GPR158: variants seen among roughly 807,000 people sequenced by gnomAD.
GPR158 encodes G protein-coupled receptor 158, also known as metabotropic glycine receptor.
GPR158 carries 30 observed loss-of-function variants against 78.2 expected under a neutral mutation model. The observed-to-expected ratio is 0.38, with a 90% CI of 0.29 to 0.52. GPR158 has a LOEUF of 0.52. GPR158 is among the 20% of genes least tolerant of loss of function. GPR158 has a pLI of 0.83. For missense variants in GPR158, 1,463 were observed against 1,523.5 expected (o/e 0.96, Z 0.66); for synonymous variants, 581 against 591.1 (o/e 0.98, Z 0.25).
At chr10:25,496,485 G>C (rs1835882212) in intron 5 of GPR158, among the ~76,000 whole-genome samples, 1 of 152,198 alleles carries the variant, frequency 6.6e-6, no homozygotes, top group African/African-American at 2.4e-5. Context: ...AGATAAGCAG[G>C]TGTTTAACAA....
intron 9 of GPR158, among the ~76,000 whole-genome samples, chr10:25,595,622 C>T (rs1203592899): frequency 6.6e-6 from 1 of 152,134 alleles, no homozygotes; most frequent in Non-Finnish European, 1.5e-5. Flanking sequence ...GTGCAAAAGC[C>T]AGACACAAAA....
chr10:25,192,660 CT>C lies in GPR158; in HGVS notation c.902+16345del, dbSNP rs951662043. On this transcript the variant is annotated intron_variant, in intron 1 of 10. Coordinates refer to ENST00000376351, the MANE Select transcript of GPR158 (RefSeq NM_020752.3). Reference sequence around the variant, plus strand: ...AACATAATTTCTGAAATGTACTAAACTTTTTTTAAAAGTTATAATGTATTGT... The same window carrying C: ...AACATAATTTCTGAAATGTACTAAACTTTTTTAAAAGTTATAATGTATTGT... Among the ~76,000 whole-genome samples, 6 of 152,092 alleles carry C rather than the reference CT, an allele frequency of 3.9e-5. No homozygotes were observed. The East Asian group carries it at 7.7e-4, about 20-fold the overall frequency.
chr10:25,322,368 G>A (rs998827931), intron 2 of GPR158, among the ~76,000 whole-genome samples: 10 of 148,490 alleles, frequency 6.7e-5, no homozygotes, highest in South Asian at 2.1e-4. Context: ...GTGACAGAGC[G>A]AGACTCCGTC....
chr10:25,558,373 C>T (rs1372776124), intron 6 of GPR158, among the ~76,000 whole-genome samples: 1 of 152,178 alleles, frequency 6.6e-6, no homozygotes, highest in Non-Finnish European at 1.5e-5. Context: ...TGTATACCCT[C>T]AAGTGGAAAT....
chr10:25,336,817 G>A (rs1038406357), intron 2 of GPR158, among the ~76,000 whole-genome samples: 1 of 152,014 alleles, frequency 6.6e-6, no homozygotes, highest in African/African-American at 2.4e-5. Context: ...ATGGTGCTCA[G>A]GCAATTAATT....
intron 2 of GPR158, among the ~76,000 whole-genome samples, chr10:25,379,152 AT>A (rs1834122948): frequency 6.6e-6 from 1 of 152,156 alleles, no homozygotes; most frequent in Non-Finnish European, 1.5e-5. Flanking sequence ...AGACATTATT[AT>A]TACTATTACC....
chr10:25,249,031 A>G (rs1853748338), intron 2 of GPR158, among the ~76,000 whole-genome samples: 1 of 151,388 alleles, frequency 6.6e-6, no homozygotes, highest in Non-Finnish European at 1.5e-5. Context: ...GGTCCTTCAC[A>G]TCCCTTGTAA....
At chr10:25,357,934 G>A (rs2130528994) in intron 2 of GPR158, among the ~76,000 whole-genome samples, 1 of 152,214 alleles carries the variant, frequency 6.6e-6, no homozygotes, top group Non-Finnish European at 1.5e-5. Context: ...AAAGCAGCTG[G>A]GAGGGAGGCT....
intron 5 of GPR158, among the ~76,000 whole-genome samples, chr10:25,473,143 T>A (rs1335256020): frequency 6.6e-6 from 1 of 151,930 alleles, no homozygotes; most frequent in Non-Finnish European, 1.5e-5. Flanking sequence ...ATACCTAATT[T>A]ATTGAGAGTT....
chr10:25,442,275 C>T (rs143949500), intron 4 of GPR158, among the ~76,000 whole-genome samples: 1 of 152,152 alleles, frequency 6.6e-6, no homozygotes, highest in East Asian at 1.9e-4. Context: ...ACTAAATGAG[C>T]AGTTAAACAC....
chr10:25,211,415 C>T (rs1853128868), intron 1 of GPR158, among the ~76,000 whole-genome samples: 1 of 152,148 alleles, frequency 6.6e-6, no homozygotes, highest in African/African-American at 2.4e-5. Context: ...GTTGCTGTGT[C>T]ATCTTGTGGC....
intron 4 of GPR158, among the ~76,000 whole-genome samples, chr10:25,423,403 T>TA (rs1246806693): frequency 1.4e-5 from 2 of 143,908 alleles, no homozygotes; most frequent in East Asian, 2.0e-4. Flanking sequence ...TTTTTTTTTT[T>TA]ATACTTTAAG....
At chr10:25,370,463 T>C (rs1833970964) in intron 2 of GPR158, among the ~76,000 whole-genome samples, 1 of 69,144 alleles carries the variant, frequency 1.4e-5, no homozygotes, top group Non-Finnish European at 3.5e-5. Flanking sequence ...TCAGTTTCCA[T>C]GTAGTTGAGT....
At chr10:25,444,161 G>C (rs1835106613) in intron 4 of GPR158, among the ~76,000 whole-genome samples, 1 of 152,186 alleles carries the variant, frequency 6.6e-6, no homozygotes, top group South Asian at 2.1e-4. Flanking sequence ...CAGGTAGGCA[G>C]CTTCCTCTAC....
intron 1 of GPR158, 29 bp from the exon 2 acceptor site, chr10:25,221,023 T>G (rs760307968): frequency 7.2e-6 from 8 of 1,116,692 alleles, no homozygotes; most frequent in Non-Finnish European, 1.1e-5. Flanking sequence ...CCAGATTAAT[T>G]TGTTCTTTTT....
At position 25,175,045 on chromosome 10, in the gene GPR158, G is replaced by GCTT. The variant is rs1176481066; in HGVS notation, c.-373_-371dup. On this transcript the variant is annotated 5_prime_UTR_variant, in exon 1 of 11. Coordinates refer to ENST00000376351, the MANE Select transcript of GPR158 (RefSeq NM_020752.3). The surrounding 1 kb of genome is among the most constrained non-coding windows in gnomAD (Gnocchi z 6.4). Reference sequence around the variant, plus strand: ...GGCCGCGGCGGCAGCAGCAGCAGCAGCTTCTGAACGCGCCTCAATGAGAGC... The same window carrying GCTT: ...GGCCGCGGCGGCAGCAGCAGCAGCAGCTTCTTCTGAACGCGCCTCAATGAGAGC... 1.0e-5 allele frequency: 2 copies of GCTT among 196,236 alleles called. No homozygotes were observed. Among genetic ancestry groups the GCTT allele is most frequent in the Non-Finnish European group, 2.1e-5 (2 of 97,234 alleles). The allele number at this position is 196,236 out of a possible 1,614,324, so 12.2% of individuals were successfully genotyped here.
chr10:25,317,500 A>G (rs568263597), intron 2 of GPR158, among the ~76,000 whole-genome samples: 8 of 152,006 alleles, frequency 5.3e-5, no homozygotes, highest in African/African-American at 1.4e-4. Flanking sequence ...TGAGTTCAAA[A>G]AAAAAATTTC....
chr10:25,456,498 T>G (rs1452084354), intron 4 of GPR158, among the ~76,000 whole-genome samples: 1 of 152,222 alleles, frequency 6.6e-6, no homozygotes, highest in Non-Finnish European at 1.5e-5. Context: ...CTCCTTTTTT[T>G]AGAAGACTGA....
At chr10:25,371,990 G>A (rs10828785) in intron 2 of GPR158, among the ~76,000 whole-genome samples, 97,361 of 151,146 alleles carry the variant, frequency 0.64, 32,380 homozygotes, top group Non-Finnish European at 0.73. Flanking sequence ...AATCTGCAAT[G>A]AACTCAAATA....
Sources: allele counts gnomAD v4.1 joint callset (sites outside exome capture counted in the v4.1 genomes callset), GRCh38; gene constraint gnomAD v4.1.1; non-coding constraint Gnocchi (gnomAD v3.1); transcripts MANE v1.5; gene names NCBI Gene and HGNC (gene_info 2026-07-23, HGNC 2026-07-21).